KCNAB1: variants seen among roughly 807,000 people sequenced by gnomAD.
KCNAB1 encodes potassium voltage-gated channel subfamily A regulatory beta subunit 1, also known as voltage-gated potassium channel subunit beta-1.
Under a neutral mutation model 64.6 loss-of-function variants are expected in KCNAB1, and 35 were observed. The observed-to-expected ratio is 0.54, with a 90% CI of 0.41 to 0.72. KCNAB1 has a LOEUF of 0.72. KCNAB1 is among the 30% of genes least tolerant of loss of function. The pLI is 0.00. For missense variants in KCNAB1, 401 were observed against 512.9 expected, an observed-to-expected ratio of 0.78 and a Z score of 2.11; for synonymous variants, 177 against 183.8, an observed-to-expected ratio of 0.96 and a Z score of 0.30.
At chr3:156,267,803 A>T (rs1560166405) in intron 1 of KCNAB1, among the ~76,000 whole-genome samples, 1 of 152,180 alleles carries the variant, frequency 6.6e-6, no homozygotes, top group East Asian at 1.9e-4. Flanking sequence ...TATGAGGTAT[A>T]TTGGATATTT....
At chr3:156,357,180 C>T (rs767651305) in intron 1 of KCNAB1, among the ~76,000 whole-genome samples, 51 of 152,264 alleles carry the variant, frequency 3.3e-4, no homozygotes, top group Non-Finnish European at 6.6e-4. Context: ...CACACACACA[C>T]ACACACCCCT....
chr3:156,194,460 T>C (rs1039600236), intron 1 of KCNAB1, among the ~76,000 whole-genome samples: 3 of 152,188 alleles, frequency 2.0e-5, no homozygotes, highest in Non-Finnish European at 2.9e-5. Context: ...CTTCTTCCTT[T>C]GAATATAATG....
intron 1 of KCNAB1, among the ~76,000 whole-genome samples, chr3:156,342,212 A>G (rs1724166890): frequency 6.6e-6 from 1 of 152,158 alleles, no homozygotes; most frequent in Non-Finnish European, 1.5e-5. Context: ...TTTTTCCTCT[A>G]CGCCACCTCA....
chr3:156,473,881 G>A (rs557731045), intron 7 of KCNAB1, among the ~76,000 whole-genome samples: 7 of 152,152 alleles, frequency 4.6e-5, no homozygotes, highest in South Asian at 2.1e-4. Context: ...CATGATTCTC[G>A]AACACTGTCA....
intron 2 of KCNAB1, among the ~76,000 whole-genome samples, chr3:156,439,586 C>T (rs1716851926): frequency 6.6e-6 from 1 of 152,178 alleles, no homozygotes. Flanking sequence ...ATGGCACAGT[C>T]TTCACCACAG....
At chr3:156,252,225 A>G (rs749824243) in intron 1 of KCNAB1, among the ~76,000 whole-genome samples, 3 of 152,250 alleles carry the variant, frequency 2.0e-5, no homozygotes, top group Non-Finnish European at 4.4e-5. Flanking sequence ...ACTAAACAGC[A>G]CACATGTGAA....
intron 1 of KCNAB1, among the ~76,000 whole-genome samples, chr3:156,340,605 G>A (rs1428874076): frequency 1.3e-5 from 2 of 152,206 alleles, no homozygotes; most frequent in Non-Finnish European, 2.9e-5. Context: ...GCCTTCTGCT[G>A]ACCATGTCCT....
At chr3:156,443,929 C>T (rs1480272644) in intron 2 of KCNAB1, among the ~76,000 whole-genome samples, 1 of 152,158 alleles carries the variant, frequency 6.6e-6, no homozygotes, top group East Asian at 1.9e-4. Context: ...AAGCATCCCA[C>T]CCCTCAGCCC....
At chr3:156,251,823 C>G (rs1717846520) in intron 1 of KCNAB1, among the ~76,000 whole-genome samples, 1 of 152,162 alleles carries the variant, frequency 6.6e-6, no homozygotes, top group Non-Finnish European at 1.5e-5. Flanking sequence ...AGGCTGCTAA[C>G]TATATTTTAA....
At chr3:156,384,985 A>G (rs1006379084) in intron 1 of KCNAB1, among the ~76,000 whole-genome samples, 3 of 152,224 alleles carry the variant, frequency 2.0e-5, no homozygotes, top group African/African-American at 7.2e-5. Flanking sequence ...AAAGAAAACA[A>G]GAAAGAGTAA....
At chr3:156,395,523 C>T (rs1235646038) in intron 1 of KCNAB1, among the ~76,000 whole-genome samples, 4 of 106,350 alleles carry the variant, frequency 3.8e-5, no homozygotes, top group South Asian at 6.5e-4. Context: ...CCAGCCTGGG[C>T]GACAGAGCGA....
chr3:156,496,442 C>G (rs963122353), intron 8 of KCNAB1, among the ~76,000 whole-genome samples: 2 of 152,078 alleles, frequency 1.3e-5, no homozygotes, highest in Admixed American at 6.6e-5. Context: ...TGCCTGCCAC[C>G]ATGTAAGACG....
At chr3:156,398,590 C>CAAA (rs767338912) in intron 1 of KCNAB1, among the ~76,000 whole-genome samples, 50 of 76,790 alleles carry the variant, frequency 6.5e-4, no homozygotes, top group African/African-American at 1.7e-3. Flanking sequence ...GACTCCGTCT[C>CAAA]AAAAAAAAAA....
chr3:156,344,952 A>G (rs1487855458), intron 1 of KCNAB1, among the ~76,000 whole-genome samples: 1 of 152,190 alleles, frequency 6.6e-6, no homozygotes, highest in Non-Finnish European at 1.5e-5. Context: ...AATAAAATCA[A>G]ATGACCCTAA....
chr3:156,356,829 T>C (rs746651581), intron 1 of KCNAB1, among the ~76,000 whole-genome samples: 1 of 152,226 alleles, frequency 6.6e-6, no homozygotes, highest in Non-Finnish European at 1.5e-5. Flanking sequence ...TTTTGAATTC[T>C]CTAGCAATTA....
At chr3:156,262,939 T>C (rs1391674703) in intron 1 of KCNAB1, among the ~76,000 whole-genome samples, 1 of 151,880 alleles carries the variant, frequency 6.6e-6, no homozygotes, top group African/African-American at 2.4e-5. Flanking sequence ...TATTTTTTGT[T>C]GTGAAGTTGT....
At chr3:156,186,223 T>G (rs1713181727) in intron 1 of KCNAB1, among the ~76,000 whole-genome samples, 1 of 152,238 alleles carries the variant, frequency 6.6e-6, no homozygotes, top group Non-Finnish European at 1.5e-5. Flanking sequence ...TCCCTTCTTT[T>G]GCCCAACTCC....
chr3:156,401,307 C>T (rs898573572), intron 1 of KCNAB1, among the ~76,000 whole-genome samples: 1 of 152,232 alleles, frequency 6.6e-6, no homozygotes, highest in East Asian at 1.9e-4. Context: ...TTGCAAGTCC[C>T]GGATGAACCA....
At chr3:156,284,338 C>A (rs557318879) in intron 1 of KCNAB1, among the ~76,000 whole-genome samples, 1 of 152,336 alleles carries the variant, frequency 6.6e-6, no homozygotes, top group African/African-American at 2.4e-5. Flanking sequence ...AGATCTCCAG[C>A]TGCGTGCTCG....
Sources: gnomAD v4.1 joint callset for allele counts (sites outside exome capture counted in the v4.1 genomes callset) on GRCh38, gnomAD v4.1.1 for gene constraint, MANE v1.5 for transcripts, NCBI Gene and HGNC (gene_info 2026-07-23, HGNC 2026-07-21) for gene names.